The following CPXM2 variants were observed in gnomAD, a reference collection of about 807,000 sequenced individuals.
CPXM2 encodes the protein inactive carboxypeptidase-like protein X2.
A neutral mutation model predicts 86.1 loss-of-function variants in CPXM2; 66 were observed. That is an observed-to-expected ratio of 0.77 (90% CI 0.63 to 0.94). CPXM2 has a LOEUF of 0.94. Among genes scored for constraint, CPXM2 ranks in the 40% least tolerant of loss-of-function variants. CPXM2 has a pLI of 0.00. For synonymous variants in CPXM2, 388 were observed against 400.2 expected (o/e 0.97, Z 0.36); for missense variants, 948 against 1,026.3 (o/e 0.92, Z 1.04).
intron 2 of CPXM2, among the ~76,000 whole-genome samples, chr10:123,907,327 G>C (rs1037591538): frequency 5.9e-5 from 9 of 152,254 alleles, no homozygotes; most frequent in Non-Finnish European, 7.3e-5. Context: ...AATTAGAAGA[G>C]AGACTATTAT....
At position 123,746,760 on chromosome 10, in the gene CPXM2, A is replaced by T; in HGVS notation, c.*4T>A. ...CCCAGACGAGTCTCAAGGGCCCAGG[A>T]GGGTCACCCACGCTGTCGTCTCTTC... On this transcript the variant is annotated 3_prime_UTR_variant, in exon 14 of 14. Coordinates refer to ENST00000241305, the MANE Select transcript of CPXM2 (RefSeq NM_198148.3). 1 of 1,613,842 alleles carries T rather than the reference A, an allele frequency of 6.2e-7. No homozygotes were observed. Among genetic ancestry groups the T allele is most frequent in the Non-Finnish European group, 8.5e-7 (1 of 1,179,916 alleles).
intron 6 of CPXM2, among the ~76,000 whole-genome samples, chr10:123,790,507 T>C (rs1029066094): frequency 2.4e-4 from 36 of 152,268 alleles, no homozygotes; most frequent in African/African-American, 7.2e-4. Context: ...AACTTTAAAA[T>C]GGAGAACAAG....
rs74162978 is a variant in CPXM2, at chr10:123,927,877, C to T, written n.174+11600G>A. Among the ~76,000 whole-genome samples the T allele has an allele frequency of 7.0e-3, 1,066 of 152,324 alleles. 12 individuals are homozygous for T. Among genetic ancestry groups the T allele is most frequent in the African/African-American group, 0.024 (991 of 41,566 alleles). The stretch of plus-strand genomic sequence containing the variant: ...ATCTCGTTTCCCTGGATCTCCCTTT[C>T]GGGAATTTTCTCCAGGAACCCCCCA... On this transcript the variant is annotated intron_variant and non_coding_transcript_variant, in intron 2 of 19. Transcript: ENST00000368854.
chr10:123,898,451 T>C (rs1478111350), intron 2 of CPXM2, among the ~76,000 whole-genome samples: 11 of 149,572 alleles, frequency 7.4e-5, no homozygotes. Flanking sequence ...AGCAGCACAG[T>C]GAGACCTTAT....
chr10:123,811,485 A>G (rs1450051955), intron 4 of CPXM2, among the ~76,000 whole-genome samples: 2 of 152,214 alleles, frequency 1.3e-5, no homozygotes, highest in Admixed American at 1.3e-4. Context: ...CTTAAAACTT[A>G]AAAAACCTGA....
At chr10:123,911,258 A>G (rs1945485667) in intron 2 of CPXM2, among the ~76,000 whole-genome samples, 1 of 152,114 alleles carries the variant, frequency 6.6e-6, no homozygotes. Context: ...GCAAGTATTT[A>G]TTGAGCACCT....
chr10:123,885,738 C>T lies in CPXM2; in HGVS notation c.305-5429G>A, dbSNP rs1945169406. On this transcript the variant is annotated intron_variant, in intron 1 of 13. Transcript: ENST00000241305. This position sits in a 1 kb window ranked among gnomAD's most constrained non-coding sequence, Gnocchi z 4.0. ...GAGGGCAGAGCCATTGCTGGAGATG[C>T]CAAGCCTGAATGCTCAGGCTCCCTG... is the stretch of plus-strand genomic sequence containing the variant. Among the ~76,000 whole-genome samples, 1 of 152,188 alleles carries T rather than the reference C, an allele frequency of 6.6e-6. No homozygotes were observed. Among genetic ancestry groups the T allele is most frequent in the African/African-American group, 2.4e-5 (1 of 41,442 alleles).
At chr10:123,790,052 A>G (rs1847170985) in intron 6 of CPXM2, among the ~76,000 whole-genome samples, 1 of 152,158 alleles carries the variant, frequency 6.6e-6, no homozygotes, top group Non-Finnish European at 1.5e-5. Flanking sequence ...CAGGAGGCGG[A>G]GCTTGCAGTG....
chr10:123,921,535 AATAAG>A (rs1232809611), intron 2 of CPXM2, among the ~76,000 whole-genome samples: 1 of 152,252 alleles, frequency 6.6e-6, no homozygotes, highest in Admixed American at 6.5e-5. Flanking sequence ...ATGTTCTGTG[AATAAG>A]ATAAGAGCTG....
At chr10:123,917,959 C>T (rs997270570) in intron 2 of CPXM2, among the ~76,000 whole-genome samples, 1 of 152,262 alleles carries the variant, frequency 6.6e-6, no homozygotes, top group South Asian at 2.1e-4. Flanking sequence ...AATAGGAACA[C>T]ATAAAGAAAT....
At chr10:123,916,148 G>A (rs1945532261) in intron 2 of CPXM2, among the ~76,000 whole-genome samples, 1 of 152,158 alleles carries the variant, frequency 6.6e-6, no homozygotes, top group Non-Finnish European at 1.5e-5. Flanking sequence ...AAGCATCTCA[G>A]CCACCAAATA....
intron 2 of CPXM2, among the ~76,000 whole-genome samples, chr10:123,875,848 G>T (rs1251470881): frequency 1.7e-5 from 2 of 118,974 alleles, no homozygotes; most frequent in African/African-American, 3.3e-5. Context: ...ACAGAGTCTC[G>T]CTCTGTCACC....
At chr10:123,888,134 G>A (rs1022287725) in intron 1 of CPXM2, among the ~76,000 whole-genome samples, 1 of 152,114 alleles carries the variant, frequency 6.6e-6, no homozygotes, top group African/African-American at 2.4e-5. Context: ...AATGCCCTTG[G>A]CTCCTTGCAT....
At chr10:123,877,916 A>T (rs1053307053) in intron 2 of CPXM2, among the ~76,000 whole-genome samples, 6 of 152,188 alleles carry the variant, frequency 3.9e-5, no homozygotes, top group Non-Finnish European at 5.9e-5. Context: ...ATCCACTCTC[A>T]TAACTCAATG....
intron 3 of CPXM2, among the ~76,000 whole-genome samples, chr10:123,861,858 G>A (rs1475002117): frequency 6.6e-6 from 1 of 152,242 alleles, no homozygotes; most frequent in Non-Finnish European, 1.5e-5. Flanking sequence ...GGCTACGTTT[G>A]TCACAGCAGC....
intron 4 of CPXM2, among the ~76,000 whole-genome samples, chr10:123,821,507 T>G (rs1847923953): frequency 6.6e-6 from 1 of 152,230 alleles, no homozygotes; most frequent in South Asian, 2.1e-4. Flanking sequence ...CAATATGCTC[T>G]TCTGAGCATT....
chr10:123,748,813 C>G (rs1158421934), intron 13 of CPXM2, among the ~76,000 whole-genome samples: 2 of 152,132 alleles, frequency 1.3e-5, no homozygotes, highest in Non-Finnish European at 2.9e-5. Flanking sequence ...AGGGTCCCCA[C>G]AGTCCCTGAC....
At chr10:123,916,331 C>T (rs1047108902) in intron 2 of CPXM2, among the ~76,000 whole-genome samples, 2 of 152,112 alleles carry the variant, frequency 1.3e-5, no homozygotes, top group Non-Finnish European at 1.5e-5. Flanking sequence ...AGCCACTCTG[C>T]GCTGATGAAT....
chr10:123,779,154 G>A (rs1344655174), intron 7 of CPXM2, among the ~76,000 whole-genome samples: 2 of 152,222 alleles, frequency 1.3e-5, no homozygotes, highest in African/African-American at 4.8e-5. Context: ...TTCTGTAAAT[G>A]TATTCAGAAG....
Sources: allele counts gnomAD v4.1 joint callset (sites outside exome capture counted in the v4.1 genomes callset), GRCh38; gene constraint gnomAD v4.1.1; non-coding constraint Gnocchi (gnomAD v3.1); transcripts MANE v1.5; gene names NCBI Gene and HGNC (gene_info 2026-07-23, HGNC 2026-07-21).